Variants in RAD23B observed in about 807,000 individuals in gnomAD.
The protein encoded by RAD23B is lysine-specific demethylase RAD23B.
A neutral mutation model predicts 49.1 loss-of-function variants in RAD23B; 5 were observed. That is an observed-to-expected ratio of 0.10 (90% confidence interval 0.05 to 0.21). The LOEUF (loss-of-function observed/expected upper bound fraction) is 0.21, where lower values mean the gene tolerates loss of function less well. Ranked by LOEUF, RAD23B falls within the 10% of genes least tolerant of loss-of-function variation. RAD23B has a pLI of 1.00. For missense variants in RAD23B, 356 were observed against 486.7 expected (o/e 0.73, Z 2.53); for synonymous variants, 184 against 165.4 (o/e 1.11, Z -0.86).
At chr9:107,302,898 C>T (rs372672468) in intron 3 of RAD23B, among the ~76,000 whole-genome samples, 94 of 152,114 alleles carry the variant, frequency 6.2e-4, no homozygotes, top group African/African-American at 1.7e-3. Context: ...CCTCGTGATC[C>T]GCCCGCCTCG....
intron 3 of RAD23B, among the ~76,000 whole-genome samples, chr9:107,303,728 T>G (rs138973216): frequency 1.3e-5 from 2 of 152,342 alleles, no homozygotes; most frequent in African/African-American, 4.8e-5. Context: ...GCTGAACTTT[T>G]AAGACTGAAT....
intron 1 of RAD23B, among the ~76,000 whole-genome samples, chr9:107,298,643 A>G (rs557748067): frequency 2.6e-5 from 4 of 151,504 alleles, no homozygotes; most frequent in East Asian, 3.9e-4. Flanking sequence ...ATGTACTTAC[A>G]TTTATTAATG....
rs1805260 is a variant in RAD23B, at chr9:107,300,248, A to G, written c.148+26A>G. On this transcript the variant is annotated intron_variant, in intron 2 of 9. Coordinates refer to ENST00000358015, the MANE Select transcript of RAD23B (RefSeq NM_002874.5). ...GTATGAATTAAATATTAAAATTAAC[A>G]TGCCATGTCTTGATATTCTTTTAGT... is the stretch of plus-strand genomic sequence containing the variant. 5,266 of 1,587,890 alleles carry G rather than the reference A, an allele frequency of 3.3e-3. 128 individuals carry two copies. The African/African-American group carries it at 0.06, about 18-fold the overall frequency.
chr9:107,326,736 C>G (rs1205173357), intron 9 of RAD23B, among the ~76,000 whole-genome samples: 1 of 144,562 alleles, frequency 6.9e-6, no homozygotes, highest in Non-Finnish European at 1.5e-5. Flanking sequence ...TGGGTTCACA[C>G]CATTCTCCTG....
At chr9:107,288,806 G>A (rs1474687867) in intron 1 of RAD23B, among the ~76,000 whole-genome samples, 1 of 152,118 alleles carries the variant, frequency 6.6e-6, no homozygotes, top group East Asian at 1.9e-4. Context: ...TTTCTATAGG[G>A]AACTGCTAGA....
At chr9:107,301,950 C>T in intron 2 of RAD23B, 85 bp from the exon 3 acceptor site, 2 of 1,476,898 alleles carry the variant, frequency 1.4e-6, no homozygotes, top group Non-Finnish European at 1.8e-6. Context: ...CTGAAATATT[C>T]ATATTTCGAG....
At chr9:107,285,682 A>G (rs1833262380) in intron 1 of RAD23B, among the ~76,000 whole-genome samples, 1 of 152,196 alleles carries the variant, frequency 6.6e-6, no homozygotes, top group African/African-American at 2.4e-5. Context: ...TGAAAAGCCC[A>G]TTGTTAGGGA....
intron 5 of RAD23B, among the ~76,000 whole-genome samples, chr9:107,312,378 G>A (rs114122671): frequency 2.4e-3 from 365 of 152,224 alleles, no homozygotes; most frequent in African/African-American, 8.5e-3. Flanking sequence ...GGGAGAAAGC[G>A]AGGAATAGGT....
chr9:107,313,441 G>A (rs940674390), intron 5 of RAD23B, among the ~76,000 whole-genome samples: 1 of 152,156 alleles, frequency 6.6e-6, no homozygotes, highest in Non-Finnish European at 1.5e-5. Context: ...TAGCCAGGAT[G>A]GTCTCAATCT....
intron 1 of RAD23B, chr9:107,284,821 C>T (rs1833241758): frequency 4.1e-6 from 5 of 1,212,892 alleles, no homozygotes; most frequent in Non-Finnish European, 5.4e-6. Flanking sequence ...GGTTTTGTAA[C>T]TTATTTGCTA....
Position 107,318,734 on chromosome 9 carries a change from TCCACCC to T in RAD23B, c.554-17_554-12del. Reference sequence around the variant, plus strand: ...TTATTAAATGTTCCTTTTTTTCCCCTCCACCCTCCCTTTTTAGTGACGGGTCAGTCT... The same window carrying T: ...TTATTAAATGTTCCTTTTTTTCCCCTTCCCTTTTTAGTGACGGGTCAGTCT... On this transcript the variant is annotated splice_polypyrimidine_tract_variant and intron_variant, in intron 5 of 9. Transcript: ENST00000358015. This position sits in a 1 kb window ranked among gnomAD's most constrained non-coding sequence, Gnocchi z 4.3. 1 of 1,600,152 alleles carries T rather than the reference TCCACCC, an allele frequency of 6.2e-7. No individual in the cohort carries two copies. Among genetic ancestry groups the T allele is most frequent in the South Asian group, 1.1e-5 (1 of 89,604 alleles).
intron 1 of RAD23B, among the ~76,000 whole-genome samples, chr9:107,293,897 C>T (rs1011793804): frequency 1.8e-4 from 27 of 152,182 alleles, no homozygotes; most frequent in African/African-American, 5.6e-4. Flanking sequence ...AATCCTTTCA[C>T]GTCAGCCTCC....
intron 1 of RAD23B, among the ~76,000 whole-genome samples, chr9:107,297,313 A>G (rs1421963659): frequency 6.6e-6 from 1 of 151,544 alleles, no homozygotes; most frequent in East Asian, 1.9e-4. Context: ...TTGAGCTCCC[A>G]TTGTTATGTT....
intron 1 of RAD23B, among the ~76,000 whole-genome samples, chr9:107,296,167 C>G (rs558679495): frequency 6.6e-6 from 1 of 152,092 alleles, no homozygotes; most frequent in Non-Finnish European, 1.5e-5. Context: ...AGGAACAATG[C>G]CAGAATTTTA....
intron 3 of RAD23B, among the ~76,000 whole-genome samples, chr9:107,305,862 C>T (rs935101992): frequency 4.6e-5 from 7 of 151,740 alleles, no homozygotes; most frequent in Non-Finnish European, 4.4e-5. Context: ...GTAATCCTAG[C>T]GCTTTGGGAG....
At chr9:107,306,793 G>A (rs1315072011) in intron 4 of RAD23B, 146 bp downstream of exon 4, 8 of 900,460 alleles carry the variant, frequency 8.9e-6, no homozygotes, top group Admixed American at 5.9e-5. Context: ...CATATGCTGC[G>A]TCTGTTTTGA....
rs765760139 is a variant in RAD23B, at chr9:107,302,069, A to T, written c.183A>T (p.Glu61Asp). 9 of 1,613,200 alleles carry T rather than the reference A, an allele frequency of 5.6e-6. No individual in the cohort carries two copies. The Admixed American group carries it at 1.3e-4, about 24-fold the overall frequency. Residue 61 changes from glutamate to aspartate, a missense_variant, in exon 3 of 10, where the codon GAA becomes GAT. Coordinates refer to ENST00000358015, the MANE Select transcript of RAD23B (RefSeq NM_002874.5). Reference protein sequence around the residue: ...KILNDDTALKEYKIDEKNFVV... With the variant: ...KILNDDTALKDYKIDEKNFVV... The stretch of plus-strand genomic sequence containing the variant: ...TCAATGATGATACTGCTCTCAAAGA[A>T]TATAAAATTGATGAGAAAAACTTTG...
At chr9:107,311,574 T>C in intron 4 of RAD23B, 108 bp from the exon 5 acceptor site, 1 of 746,096 alleles carries the variant, frequency 1.3e-6, no homozygotes, top group Non-Finnish European at 2.1e-6. Flanking sequence ...GACTTTTATA[T>C]TTAATTAAAA....
intron 1 of RAD23B, among the ~76,000 whole-genome samples, chr9:107,285,945 C>T (rs1833266611): frequency 6.6e-6 from 1 of 152,094 alleles, no homozygotes; most frequent in Non-Finnish European, 1.5e-5. Flanking sequence ...CCTTAGAATT[C>T]CAGTAAGAAA....
Sources: allele counts gnomAD v4.1 joint callset (sites outside exome capture counted in the v4.1 genomes callset), GRCh38; gene constraint gnomAD v4.1.1; non-coding constraint Gnocchi (gnomAD v3.1); transcripts MANE v1.5; gene names NCBI Gene and HGNC (gene_info 2026-07-23, HGNC 2026-07-21).